The following RELN variants were observed in gnomAD, a reference collection of about 807,000 sequenced individuals.
RELN encodes reelin.
A neutral mutation model predicts 427.6 loss-of-function variants in RELN; 108 were observed. The ratio of observed to expected loss-of-function variants is 0.25; its 90% CI spans 0.22 to 0.30. The LOEUF is 0.30. Ranked by LOEUF, RELN falls within the 10% of genes least tolerant of loss-of-function variation. RELN has a pLI of 1.00. For missense variants in RELN, 3,715 were observed against 4,302.8 expected (o/e 0.86, Z 3.82); for synonymous variants, 1,524 against 1,513.4 (o/e 1.01, Z -0.16).
intron 6 of RELN, among the ~76,000 whole-genome samples, chr7:103,748,317 A>G (rs525692): frequency 0.5 from 75,544 of 151,380 alleles, 18,943 homozygotes; most frequent in Non-Finnish European, 0.54. Flanking sequence ...TATTTATACT[A>G]TCTAGATGTA....
intron 7 of RELN, among the ~76,000 whole-genome samples, chr7:103,724,208 ACT>A (rs760129041): frequency 6.6e-6 from 1 of 150,814 alleles, no homozygotes; most frequent in Non-Finnish European, 1.5e-5. Flanking sequence ...TTTGAGACAG[ACT>A]CTCTCTCTGT....
chr7:103,904,825 T>G (rs1368036254), intron 2 of RELN, among the ~76,000 whole-genome samples: 5 of 152,084 alleles, frequency 3.3e-5, no homozygotes, highest in Non-Finnish European at 7.3e-5. Flanking sequence ...TATTAAAATA[T>G]ATTCCCAAGA....
chr7:103,677,345 G>A (rs1833554688), intron 11 of RELN, among the ~76,000 whole-genome samples: 1 of 150,510 alleles, frequency 6.6e-6, no homozygotes, highest in African/African-American at 2.4e-5. Context: ...AACCACCATG[G>A]CACGTGTGTA....
At chr7:103,808,969 A>C (rs1471353099) in intron 3 of RELN, among the ~76,000 whole-genome samples, 1 of 152,206 alleles carries the variant, frequency 6.6e-6, no homozygotes, top group South Asian at 2.1e-4. Context: ...TGGTAAAAAC[A>C]GAATCATAAA....
At chr7:103,701,296 G>C (rs1257323823) in intron 8 of RELN, among the ~76,000 whole-genome samples, 1 of 152,020 alleles carries the variant, frequency 6.6e-6, no homozygotes, top group Non-Finnish European at 1.5e-5. Flanking sequence ...GCTATGCCAA[G>C]AAATAACTAA....
At position 103,611,836 on chromosome 7, in the gene RELN, C is replaced by A. The variant is rs548775207; in HGVS notation, c.2703-33G>T. ...AGACAGAGATGGAAATCAGAAAATT[C>A]TAAACACAATGTATTAGAGAAAAAT... is the stretch of plus-strand genomic sequence containing the variant. On this transcript the variant is annotated intron_variant, in intron 20 of 64. Transcript: ENST00000428762. 15 of 1,544,442 alleles carry A rather than the reference C, an allele frequency of 9.7e-6. No homozygotes were observed. In the South Asian group the frequency reaches 1.7e-4, roughly 17 times the overall value.
intron 19 of RELN, among the ~76,000 whole-genome samples, chr7:103,633,184 G>A (rs1374238183): frequency 2.0e-5 from 3 of 152,158 alleles, no homozygotes; most frequent in Non-Finnish European, 4.4e-5. Flanking sequence ...CAACTAGCAT[G>A]TCTAATTTAT....
chr7:103,971,978 C>T (rs554567408), intron 1 of RELN, among the ~76,000 whole-genome samples: 143 of 152,228 alleles, frequency 9.4e-4, no homozygotes, highest in Non-Finnish European at 1.5e-3. Flanking sequence ...GAGGCTGAGG[C>T]AGGAGAATCA....
At chr7:103,618,311 T>C (rs1832130724) in intron 20 of RELN, among the ~76,000 whole-genome samples, 1 of 152,228 alleles carries the variant, frequency 6.6e-6, no homozygotes, top group African/African-American at 2.4e-5. Context: ...GTGGAGACAC[T>C]AATTTTACCC....
intron 2 of RELN, among the ~76,000 whole-genome samples, chr7:103,913,731 T>C (rs572136785): frequency 6.6e-6 from 1 of 152,314 alleles, no homozygotes; most frequent in East Asian, 1.9e-4. Context: ...TAAAAAGACA[T>C]TTTACCTCCT....
intron 63 of RELN, among the ~76,000 whole-genome samples, chr7:103,481,261 G>C (rs139734006): frequency 6.6e-5 from 10 of 152,260 alleles, no homozygotes; most frequent in African/African-American, 2.4e-4. Flanking sequence ...GTTTGGGCAG[G>C]ATGAAAATAT....
At chr7:103,885,478 A>G (rs1258762591) in intron 2 of RELN, among the ~76,000 whole-genome samples, 1 of 152,186 alleles carries the variant, frequency 6.6e-6, no homozygotes, top group Non-Finnish European at 1.5e-5. Context: ...TCAGCAAACT[A>G]ACACAGGAAC....
At chr7:103,528,771 C>T (rs564214127) in intron 46 of RELN, among the ~76,000 whole-genome samples, 17 of 148,982 alleles carry the variant, frequency 1.1e-4, no homozygotes, top group South Asian at 4.4e-4. Flanking sequence ...TGAGGTGATT[C>T]GCCTGCCTCG....
chr7:103,847,496 C>A (rs1300422761), intron 2 of RELN, among the ~76,000 whole-genome samples: 1 of 152,082 alleles, frequency 6.6e-6, no homozygotes, highest in African/African-American at 2.4e-5. Context: ...AGCAAACCAC[C>A]AATGCATGTG....
At chr7:103,587,365 A>G (rs957455851) in intron 28 of RELN, among the ~76,000 whole-genome samples, 1 of 152,194 alleles carries the variant, frequency 6.6e-6, no homozygotes, top group African/African-American at 2.4e-5. Context: ...CTCTCACCAT[A>G]TACAAAAATC....
In RELN at chr7:103,601,886, G is replaced by A. The variant is rs1831677858; in HGVS notation, c.3333+1418C>T. Among the ~76,000 whole-genome samples the A allele has an allele frequency of 3.9e-5, 6 of 152,122 alleles. No individual in the cohort carries two copies. The South Asian group carries it at 1.2e-3, about 32-fold the overall frequency. ...TTAGTTGGTTTCTAGCAATCTGCAT[G>A]CCTAATCTGGTGCTACCACTAGGGA... On this transcript the variant is annotated intron_variant, in intron 24 of 64. Transcript: ENST00000428762.
At position 103,486,261 on chromosome 7, in the gene RELN, G is replaced by A; in HGVS notation, c.9919C>T (p.Leu3307=). 1 of 1,614,168 alleles carries A rather than the reference G, an allele frequency of 6.2e-7. No homozygotes were observed. The part of the protein sequence containing the change: ...QLAPYAHGDS[L]YFNGCQIRQA... Reference sequence around the variant, plus strand: ...CTGATCTGACAGCCATTAAAGTACAGTGAGTCTCCATGGGCGTAGGGGGCC... The same window carrying A: ...CTGATCTGACAGCCATTAAAGTACAATGAGTCTCCATGGGCGTAGGGGGCC... Residue 3307 remains leucine, a synonymous_variant, in exon 61 of 65, where the codon CTG becomes TTG. Transcript: ENST00000428762.
intron 2 of RELN, among the ~76,000 whole-genome samples, chr7:103,892,157 T>C (rs948525491): frequency 1.3e-5 from 2 of 152,198 alleles, no homozygotes; most frequent in African/African-American, 2.4e-5. Flanking sequence ...TCACACCTTC[T>C]TTTCTCTGCT....
At chr7:103,881,600 T>A (rs895122181) in intron 2 of RELN, among the ~76,000 whole-genome samples, 1 of 152,160 alleles carries the variant, frequency 6.6e-6, no homozygotes, top group Non-Finnish European at 1.5e-5. Context: ...TTTGTTATGT[T>A]CTTTTTCCTC....
Sources: allele counts gnomAD v4.1 joint callset (sites outside exome capture counted in the v4.1 genomes callset), GRCh38; gene constraint gnomAD v4.1.1; transcripts MANE v1.5; gene names NCBI Gene and HGNC (gene_info 2026-07-23, HGNC 2026-07-21).